The following ADAMTSL1 variants were observed in gnomAD, a reference collection of about 807,000 sequenced individuals.
ADAMTSL1 encodes the protein ADAMTS-like protein 1.
ADAMTSL1 carries 126 observed loss-of-function variants against 201.8 expected under a neutral mutation model. The observed-to-expected ratio is 0.62, with a 90% CI of 0.54 to 0.72. The LOEUF is 0.72. Ranked by LOEUF, ADAMTSL1 falls within the 30% of genes least tolerant of loss-of-function variation. ADAMTSL1 has a pLI of 0.00. For synonymous variants in ADAMTSL1, 1,121 were observed against 903.4 expected (o/e 1.24, Z -4.32); for missense variants, 2,679 against 2,277.8 (o/e 1.18, Z -3.59).
intron 1 of ADAMTSL1, among the ~76,000 whole-genome samples, chr9:17,999,620 A>G (rs1277506745): frequency 6.9e-6 from 1 of 144,450 alleles, no homozygotes; most frequent in Non-Finnish European, 1.5e-5. Context: ...TTTTTTTATT[A>G]TACTTTAAGT....
At chr9:18,736,945 T>C (rs1818530535) in intron 15 of ADAMTSL1, among the ~76,000 whole-genome samples, 1 of 152,178 alleles carries the variant, frequency 6.6e-6, no homozygotes, top group African/African-American at 2.4e-5. Context: ...GACTAGTATC[T>C]GAAATAGATG....
rs1825891863 is a variant in ADAMTSL1 at position 17,911,076 on chromosome 9, C to A, written c.87+4154C>A. On this transcript the variant is annotated intron_variant, in intron 1 of 29. Coordinates refer to the ADAMTSL1 transcript ENST00000680146. ...TATATTCTCCAAATAGTCCAAAGAA[C>A]AATTTTAATGCCAATAAAAATTATT... Among the ~76,000 whole-genome samples, 2 of 68,610 alleles carry A rather than the reference C, an allele frequency of 2.9e-5. 1 individual carries two copies. Among genetic ancestry groups the A allele is most frequent in the African/African-American group, 5.9e-5 (2 of 33,982 alleles). The allele number at this position is 68,610 out of a possible 152,430, so 45.0% of individuals were successfully genotyped here.
chr9:18,323,935 C>G (rs1057167564), intron 2 of ADAMTSL1, among the ~76,000 whole-genome samples: 3 of 152,118 alleles, frequency 2.0e-5, no homozygotes, highest in African/African-American at 4.8e-5. Flanking sequence ...GTGCAATCAA[C>G]TTAAATTGCA....
chr9:18,818,217 T>C (rs1055573411), intron 21 of ADAMTSL1, among the ~76,000 whole-genome samples: 2 of 152,122 alleles, frequency 1.3e-5, no homozygotes, highest in Non-Finnish European at 1.5e-5. Flanking sequence ...AGTCTTCTGA[T>C]TGCTGTCCTC....
rs768085726 is a variant in ADAMTSL1 at position 18,906,707 on chromosome 9, G to C, written c.4977G>C (p.Gln1659His). Reference sequence around the variant, plus strand: ...CCTCCTGCAGGCCTGTGAGCACCCAGAACTGCTGGTCAGAGGCCTGCAGTG... The same window carrying C: ...CCTCCTGCAGGCCTGTGAGCACCCACAACTGCTGGTCAGAGGCCTGCAGTG... ...CSALPRPVST[Q>H]NCWSEACSVH... Residue 1659 changes from glutamine (Q) to histidine (H), a missense_variant, in exon 28 of 29, where the codon CAG becomes CAC. By Grantham distance (24) the Gln-to-His change is conservative. Transcript: ENST00000380548. The C allele has an allele frequency of 6.2e-7, 1 of 1,602,056 alleles. No homozygotes were observed. Among genetic ancestry groups the C allele is most frequent in the East Asian group, 2.2e-5 (1 of 44,474 alleles).
intron 1 of ADAMTSL1, among the ~76,000 whole-genome samples, chr9:18,032,669 T>G (rs1292643602): frequency 6.6e-6 from 1 of 152,176 alleles, no homozygotes; most frequent in Non-Finnish European, 1.5e-5. Context: ...TAGCTGCCCC[T>G]TGTAAGCTTC....
chr9:18,842,182 T>C (rs1825764098), intron 23 of ADAMTSL1, among the ~76,000 whole-genome samples: 1 of 152,212 alleles, frequency 6.6e-6, no homozygotes, highest in African/African-American at 2.4e-5. Context: ...TTTAGTGCTA[T>C]AAATTTCCCT....
intron 20 of ADAMTSL1, among the ~76,000 whole-genome samples, chr9:18,802,428 T>C (rs1009956776): frequency 1.1e-4 from 17 of 152,338 alleles, no homozygotes; most frequent in Middle Eastern, 3.4e-3. Context: ...TAAATCTCCA[T>C]AAATCTACCT....
chr9:18,399,115 T>G (rs1006329961), intron 2 of ADAMTSL1, among the ~76,000 whole-genome samples: 3 of 151,430 alleles, frequency 2.0e-5, no homozygotes, highest in Non-Finnish European at 4.4e-5. Flanking sequence ...TTGGGGAGCC[T>G]ACGAGCTTGT....
At chr9:18,784,917 T>C (rs941691395) in intron 19 of ADAMTSL1, among the ~76,000 whole-genome samples, 2 of 152,134 alleles carry the variant, frequency 1.3e-5, no homozygotes, top group African/African-American at 2.4e-5. Flanking sequence ...TGTAATCCCA[T>C]CACTTTGGGA....
chr9:18,558,478 A>C (rs186759646), intron 3 of ADAMTSL1, among the ~76,000 whole-genome samples: 102 of 152,300 alleles, frequency 6.7e-4, no homozygotes, highest in Non-Finnish European at 1.3e-3. Flanking sequence ...ATATGTGTGC[A>C]TGTGTCTTTA....
At chr9:18,764,723 C>T (rs1451317908) in intron 16 of ADAMTSL1, among the ~76,000 whole-genome samples, 1 of 152,250 alleles carries the variant, frequency 6.6e-6, no homozygotes, top group African/African-American at 2.4e-5. Context: ...TGGAAAGCTC[C>T]ATGCAGATCA....
chr9:18,387,497 T>A (rs1034904809), intron 2 of ADAMTSL1, among the ~76,000 whole-genome samples: 29 of 152,204 alleles, frequency 1.9e-4, no homozygotes, highest in African/African-American at 6.5e-4. Context: ...TTACTAAATT[T>A]GTAGGCATCT....
intron 5 of ADAMTSL1, among the ~76,000 whole-genome samples, chr9:18,626,875 C>CT (rs763493929): frequency 0.06 from 4,702 of 77,828 alleles, 92 homozygotes; most frequent in South Asian, 0.1. Context: ...TTCTGTCTTT[C>CT]TTCCTTCCTT....
At chr9:18,665,698 G>C (rs949954725) in intron 9 of ADAMTSL1, among the ~76,000 whole-genome samples, 2 of 151,566 alleles carry the variant, frequency 1.3e-5, no homozygotes, top group Non-Finnish European at 2.9e-5. Context: ...CTCATTTTTT[G>C]TTCCTCCTCC....
At chr9:18,016,553 A>G (rs1180113766) in intron 1 of ADAMTSL1, among the ~76,000 whole-genome samples, 2 of 151,948 alleles carry the variant, frequency 1.3e-5, no homozygotes, top group South Asian at 4.1e-4. Context: ...GATATCTTCT[A>G]ATTTTTCCAT....
At chr9:18,024,844 T>C (rs539088548) in intron 1 of ADAMTSL1, among the ~76,000 whole-genome samples, 48 of 152,214 alleles carry the variant, frequency 3.2e-4, no homozygotes, top group African/African-American at 1.1e-3. Context: ...AATCTCCAAA[T>C]TGTTTTCCAG....
chr9:18,773,577 G>A (rs952109482), intron 17 of ADAMTSL1, among the ~76,000 whole-genome samples: 3 of 152,166 alleles, frequency 2.0e-5, no homozygotes, highest in Admixed American at 2.0e-4. Context: ...GTTTGAGTAG[G>A]GGTCTCAGAT....
chr9:18,681,962 A>G lies in ADAMTSL1; in HGVS notation c.1489+3A>G. The G allele has an allele frequency of 6.2e-7, 1 of 1,614,046 alleles. No individual in the cohort carries two copies. The highest frequency in any genetic ancestry group is 8.5e-7 in the Non-Finnish European group (1 of 1,179,918). On this transcript the variant is annotated splice_donor_region_variant and intron_variant, in intron 12 of 28. Transcript: ENST00000380548. ...CACTCCCTGCTATAAACCCAAAGGT[A>G]ACTTGACAGGTGCTCTATTACCAGC...
Sources: allele counts gnomAD v4.1 joint callset (sites outside exome capture counted in the v4.1 genomes callset), GRCh38; gene constraint gnomAD v4.1.1; transcripts MANE v1.5; gene names NCBI Gene and HGNC (gene_info 2026-07-23, HGNC 2026-07-21).